KCNIP1: variants seen among roughly 807,000 people sequenced by gnomAD.
KCNIP1 encodes A-type potassium channel modulatory protein KCNIP1.
Under a neutral mutation model 33.0 loss-of-function variants are expected in KCNIP1, and 18 were observed. The observed-to-expected ratio is 0.55, with a 90% CI of 0.38 to 0.81. KCNIP1 has a LOEUF of 0.81. Among genes scored for constraint, KCNIP1 ranks in the 30% least tolerant of loss-of-function variants. The pLI is 0.00. For missense variants in KCNIP1, 238 were observed against 271.6 expected, an observed-to-expected ratio of 0.88 and a Z score of 0.87; for synonymous variants, 93 against 98.3, an observed-to-expected ratio of 0.95 and a Z score of 0.32.
chr5:170,713,506 G>A (rs763618797), intron 1 of KCNIP1, among the ~76,000 whole-genome samples: 16 of 152,172 alleles, frequency 1.1e-4, no homozygotes, highest in Non-Finnish European at 2.2e-4. Context: ...GGGGACAGCC[G>A]GTGTTCAGCT....
chr5:170,652,483 A>G (rs1390234749), intron 1 of KCNIP1, among the ~76,000 whole-genome samples: 1 of 85,382 alleles, frequency 1.2e-5, no homozygotes, highest in African/African-American at 4.5e-5. Context: ...AGACCCTATT[A>G]AAAAAAAAAA....
At chr5:170,589,302 G>A (rs1758119269) in intron 1 of KCNIP1, among the ~76,000 whole-genome samples, 2 of 152,074 alleles carry the variant, frequency 1.3e-5, no homozygotes, top group African/African-American at 2.4e-5. Context: ...CCCAGCCAGC[G>A]AGCTCATACT....
chr5:170,459,638 C>A (rs1277836155), intron 1 of KCNIP1, among the ~76,000 whole-genome samples: 3 of 152,070 alleles, frequency 2.0e-5, no homozygotes, highest in African/African-American at 7.2e-5. Flanking sequence ...ATTATTCAAA[C>A]TGAATGACAG....
chr5:170,382,351 C>T (rs966830463), intron 1 of KCNIP1, among the ~76,000 whole-genome samples: 17 of 152,166 alleles, frequency 1.1e-4, no homozygotes, highest in Non-Finnish European at 2.1e-4. Flanking sequence ...AAGACTCTTA[C>T]AGGGTTCTAA....
chr5:170,686,304 A>C (rs558018198), intron 1 of KCNIP1, among the ~76,000 whole-genome samples: 4 of 152,248 alleles, frequency 2.6e-5, no homozygotes, highest in East Asian at 3.9e-4. Flanking sequence ...GAGAAGAGAG[A>C]AACTGTCAGA....
intron 1 of KCNIP1, among the ~76,000 whole-genome samples, chr5:170,428,124 T>C (rs534114596): frequency 3.3e-5 from 5 of 152,316 alleles, no homozygotes; most frequent in African/African-American, 1.2e-4. Flanking sequence ...GGACAACATC[T>C]GTGTTCCTCA....
intron 1 of KCNIP1, among the ~76,000 whole-genome samples, chr5:170,692,441 T>C (rs951770259): frequency 2.0e-5 from 3 of 152,122 alleles, no homozygotes; most frequent in Non-Finnish European, 2.9e-5. Flanking sequence ...CTCTGATATA[T>C]AAAGAGGATA....
intron 1 of KCNIP1, among the ~76,000 whole-genome samples, chr5:170,357,522 G>T (rs974682120): frequency 3.3e-5 from 5 of 152,234 alleles, no homozygotes; most frequent in African/African-American, 1.2e-4. Flanking sequence ...GTCAGTTACT[G>T]CATGACTTTA....
chr5:170,580,538 G>A (rs78197411), intron 1 of KCNIP1, among the ~76,000 whole-genome samples: 2,687 of 152,194 alleles, frequency 0.018, 81 homozygotes, highest in African/African-American at 0.059. Context: ...ACTGCCTCCC[G>A]CCTCATGCTG....
chr5:170,582,857 A>G (rs75821805), intron 1 of KCNIP1, among the ~76,000 whole-genome samples: 42 of 152,304 alleles, frequency 2.8e-4, no homozygotes, highest in Admixed American at 1.6e-3. Context: ...AGGATTGTAC[A>G]TTTTCTTGAA....
chr5:170,640,753 C>T (rs563662063), intron 1 of KCNIP1, among the ~76,000 whole-genome samples: 1 of 152,150 alleles, frequency 6.6e-6, no homozygotes, highest in Non-Finnish European at 1.5e-5. Context: ...ATCCTCGGCC[C>T]TTGCCCGAGT....
chr5:170,503,237 A>G (rs1372688152), upstream of KCNIP1, among the ~76,000 whole-genome samples: 2 of 151,904 alleles, frequency 1.3e-5, no homozygotes, highest in Non-Finnish European at 2.9e-5. Context: ...TAAAAAATAC[A>G]AAAAAATTTA....
In KCNIP1 at chr5:170,404,740, C is replaced by A. The variant is rs572903162; in HGVS notation, c.88+50776C>A. 7.8e-4 allele frequency among the ~76,000 whole-genome samples: 119 copies of A among 152,170 alleles called. 1 individual carries two copies. Among genetic ancestry groups the A allele is most frequent in the Non-Finnish European group, 1.5e-3 (100 of 68,036 alleles). On this transcript the variant is annotated intron_variant, in intron 1 of 7. Coordinates refer to the KCNIP1 transcript ENST00000377360. ...GCAGATCATGAGGCTAGCCCAGACT[C>A]AGTGGGGTAAAGAAAGTTTATTTCT...
At chr5:170,667,204 C>A (rs1247499399) in intron 1 of KCNIP1, among the ~76,000 whole-genome samples, 1 of 151,406 alleles carries the variant, frequency 6.6e-6, no homozygotes, top group Admixed American at 6.6e-5. Flanking sequence ...CCCAGCTACC[C>A]GGGAGGCTGA....
chr5:170,539,459 T>G (rs368324814), intron 1 of KCNIP1, among the ~76,000 whole-genome samples: 5 of 152,174 alleles, frequency 3.3e-5, no homozygotes, highest in African/African-American at 1.2e-4. Flanking sequence ...CCCCCAGACC[T>G]GCCCGTGGGT....
intron 1 of KCNIP1, among the ~76,000 whole-genome samples, chr5:170,566,202 A>G (rs1011680290): frequency 6.6e-6 from 1 of 152,006 alleles, no homozygotes; most frequent in African/African-American, 2.4e-5. Flanking sequence ...CTGGGATTAC[A>G]GGCACCTGCC....
At chr5:170,434,038 G>T (rs140213319) in intron 1 of KCNIP1, among the ~76,000 whole-genome samples, 1,587 of 152,242 alleles carry the variant, frequency 0.01, 6 homozygotes, top group Middle Eastern at 0.024. Flanking sequence ...TTGTAGATTT[G>T]TGCCCACTTT....
At chr5:170,573,843 G>T (rs1238940996) in intron 1 of KCNIP1, among the ~76,000 whole-genome samples, 1 of 152,174 alleles carries the variant, frequency 6.6e-6, no homozygotes, top group Non-Finnish European at 1.5e-5. Flanking sequence ...TACTATATGG[G>T]CCAAGACAGA....
chr5:170,369,486 G>A (rs1324875056), intron 1 of KCNIP1, among the ~76,000 whole-genome samples: 2 of 152,178 alleles, frequency 1.3e-5, no homozygotes, highest in Non-Finnish European at 2.9e-5. Flanking sequence ...TTTCTTGCAC[G>A]GTTCTTTTTC....
Sources: gnomAD v4.1 joint callset for allele counts (sites outside exome capture counted in the v4.1 genomes callset) on GRCh38, gnomAD v4.1.1 for gene constraint, MANE v1.5 for transcripts, NCBI Gene and HGNC (gene_info 2026-07-23, HGNC 2026-07-21) for gene names.